The following NLGN1 variants were observed in gnomAD, a reference collection of about 807,000 sequenced individuals.
The protein encoded by NLGN1 is neuroligin 1.
A neutral mutation model predicts 65.5 loss-of-function variants in NLGN1; 12 were observed. That is an observed-to-expected ratio of 0.18 (90% CI 0.12 to 0.30). The LOEUF is 0.30. Ranked by LOEUF, NLGN1 falls within the 10% of genes least tolerant of loss-of-function variation. NLGN1 has a pLI of 1.00. For missense variants in NLGN1, 750 were observed against 1,007.1 expected (o/e 0.74, Z 3.46); for synonymous variants, 350 against 359.5 (o/e 0.97, Z 0.30).
chr3:174,081,692 C>T (rs1027139323), intron 4 of NLGN1, among the ~76,000 whole-genome samples: 6 of 151,650 alleles, frequency 4.0e-5, no homozygotes. Flanking sequence ...CTGCCTCAGC[C>T]TCCCGAGTAG....
chr3:173,552,560 A>C (rs1577239577), intron 2 of NLGN1, among the ~76,000 whole-genome samples: 1 of 152,206 alleles, frequency 6.6e-6, no homozygotes, highest in Non-Finnish European at 1.5e-5. Flanking sequence ...AAGGGTGAGA[A>C]TAATGGGATT....
chr3:173,431,760 A>G (rs6802208), intron 1 of NLGN1, among the ~76,000 whole-genome samples: 4,364 of 152,246 alleles, frequency 0.029, 202 homozygotes, highest in African/African-American at 0.1. Context: ...TTAGGAATGA[A>G]TGTTGGTGTA....
intron 4 of NLGN1, among the ~76,000 whole-genome samples, chr3:174,032,983 T>TATATAG (rs5854548): frequency 0.26 from 39,019 of 150,960 alleles, 5,907 homozygotes; most frequent in African/African-American, 0.42. Flanking sequence ...TTAGGTCATA[T>TATATAG]ATATAGATAT....
intron 4 of NLGN1, among the ~76,000 whole-genome samples, chr3:174,188,706 G>A (rs902054826): frequency 1.3e-5 from 2 of 151,780 alleles, no homozygotes; most frequent in Non-Finnish European, 2.9e-5. Flanking sequence ...TTTTTTTCCA[G>A]GTATTAGACC....
chr3:173,699,286 A>G (rs527841567), intron 3 of NLGN1, among the ~76,000 whole-genome samples: 63 of 152,328 alleles, frequency 4.1e-4, no homozygotes, highest in African/African-American at 1.5e-3. Context: ...CACAAACTAA[A>G]TGTTACCAAT....
At chr3:174,181,362 CT>C (rs1730380605) in intron 4 of NLGN1, among the ~76,000 whole-genome samples, 1 of 152,058 alleles carries the variant, frequency 6.6e-6, no homozygotes, top group Admixed American at 6.6e-5. Context: ...GGAGTTCTGT[CT>C]TCTGAGAAGC....
intron 4 of NLGN1, among the ~76,000 whole-genome samples, chr3:173,984,483 CTG>C (rs1242621320): frequency 1.3e-5 from 2 of 152,162 alleles, no homozygotes; most frequent in African/African-American, 4.8e-5. Flanking sequence ...TCAAATTATT[CTG>C]TCTCTTTCTG....
intron 4 of NLGN1, among the ~76,000 whole-genome samples, chr3:173,816,575 T>G (rs911910255): frequency 6.6e-6 from 1 of 152,256 alleles, no homozygotes; most frequent in African/African-American, 2.4e-5. Flanking sequence ...CTCACTTCTC[T>G]GCTTAACCCA....
At chr3:173,495,669 G>T (rs1729885925) in intron 2 of NLGN1, among the ~76,000 whole-genome samples, 3 of 107,270 alleles carry the variant, frequency 2.8e-5, no homozygotes, top group South Asian at 3.7e-4. Flanking sequence ...GGTTTTCTAA[G>T]AGTCTTTTTT....
At chr3:174,052,517 T>G (rs560311218) in intron 4 of NLGN1, among the ~76,000 whole-genome samples, 1 of 152,036 alleles carries the variant, frequency 6.6e-6, no homozygotes, top group South Asian at 2.1e-4. Context: ...TTGAATAAAT[T>G]TCATATTTCT....
rs112262551 is a variant in NLGN1, at chr3:174,134,107, TA to T, written c.647-141207del. 4.1e-3 allele frequency among the ~76,000 whole-genome samples: 625 copies of T among 152,244 alleles called. 3 individuals carry two copies. The highest frequency in any genetic ancestry group is 0.014 in the African/African-American group (594 of 41,556). Reference sequence around the variant, plus strand: ...TGAAGGAAAAAGACAAATTATATTTTATTGTACCCACAAAACGAAAAGAAAC... The same window carrying T: ...TGAAGGAAAAAGACAAATTATATTTTTTGTACCCACAAAACGAAAAGAAAC... On this transcript the variant is annotated intron_variant, in intron 4 of 6. Transcript: ENST00000457714.
intron 4 of NLGN1, among the ~76,000 whole-genome samples, chr3:173,921,734 A>G (rs1031154867): frequency 6.6e-6 from 1 of 152,092 alleles, no homozygotes; most frequent in African/African-American, 2.4e-5. Flanking sequence ...ATGTATTCTC[A>G]TCAGGATGTT....
intron 4 of NLGN1, chr3:174,202,869 G>T (rs923480011): frequency 9.9e-5 from 15 of 152,204 alleles, no homozygotes; most frequent in African/African-American, 3.4e-4. Context: ...ACAGGTGGTT[G>T]AGGACAGGCT....
chr3:173,404,504 A>G (rs911572490), intron 1 of NLGN1, among the ~76,000 whole-genome samples: 2 of 152,162 alleles, frequency 1.3e-5, no homozygotes, highest in Admixed American at 6.6e-5. Context: ...AATGGTAATT[A>G]GTAACTCCAT....
chr3:173,485,064 CATT>C (rs1190172700), intron 2 of NLGN1, among the ~76,000 whole-genome samples: 1 of 134,710 alleles, frequency 7.4e-6, no homozygotes, highest in Non-Finnish European at 1.5e-5. Flanking sequence ...GCCTCACAAT[CATT>C]GTGGGAAGTA....
At chr3:173,586,679 A>G (rs867268932) in intron 2 of NLGN1, among the ~76,000 whole-genome samples, 15 of 152,276 alleles carry the variant, frequency 9.9e-5, no homozygotes, top group African/African-American at 3.4e-4. Context: ...TACAAACCCA[A>G]TTGTTAGTTT....
chr3:174,076,724 A>AGAGAGAGTGT (rs1491274049), intron 4 of NLGN1, among the ~76,000 whole-genome samples: 1 of 82,042 alleles, frequency 1.2e-5, no homozygotes, highest in Non-Finnish European at 2.4e-5. Context: ...AGAGAGAGAG[A>AGAGAGAGTGT]GTGTGTGTGT....
chr3:173,878,392 A>G (rs756939979), intron 4 of NLGN1, among the ~76,000 whole-genome samples: 32 of 152,108 alleles, frequency 2.1e-4, no homozygotes, highest in Non-Finnish European at 3.2e-4. Context: ...ATTAAACACT[A>G]TATCATAAAT....
At chr3:173,501,988 A>T (rs538571960) in intron 2 of NLGN1, among the ~76,000 whole-genome samples, 4 of 152,114 alleles carry the variant, frequency 2.6e-5, no homozygotes, top group African/African-American at 9.7e-5. Context: ...TACATGACAG[A>T]TCCTTACATG....
Sources: allele counts gnomAD v4.1 joint callset (sites outside exome capture counted in the v4.1 genomes callset), GRCh38; gene constraint gnomAD v4.1.1; transcripts MANE v1.5; gene names NCBI Gene and HGNC (gene_info 2026-07-23, HGNC 2026-07-21).